GABRG3: variants seen among roughly 807,000 people sequenced by gnomAD.
GABRG3 encodes gamma-aminobutyric acid receptor subunit gamma-3.
Under a neutral mutation model 48.8 loss-of-function variants are expected in GABRG3, and 25 were observed. The ratio of observed to expected loss-of-function variants is 0.51; its 90% CI spans 0.37 to 0.72. The LOEUF (loss-of-function observed/expected upper bound fraction) is 0.72, where lower values mean the gene tolerates loss of function less well. Among genes scored for constraint, GABRG3 ranks in the 30% least tolerant of loss-of-function variants. GABRG3 has a pLI of 0.00. For missense variants in GABRG3, 394 were observed against 577.9 expected (o/e 0.68, Z 3.26); for synonymous variants, 227 against 217.6 (o/e 1.04, Z -0.38).
chr15:27,222,108 T>A (rs189141046), intron 3 of GABRG3, among the ~76,000 whole-genome samples: 488 of 152,352 alleles, frequency 3.2e-3, no homozygotes, highest in Non-Finnish European at 5.8e-3. Context: ...GTCCCTTAAA[T>A]CTCTAGCACG....
At chr15:27,263,924 AAAAAAAAAAAAAAAG>A (rs1890840535) in intron 3 of GABRG3, among the ~76,000 whole-genome samples, 1 of 16,664 alleles carries the variant, frequency 6.0e-5, no homozygotes, top group South Asian at 1.0e-3. Flanking sequence ...AGACTCTGTC[AAAAAAAAAAAAAAAG>A]AAAAAGAAAA....
chr15:27,214,244 G>A (rs1889166816), intron 3 of GABRG3, among the ~76,000 whole-genome samples: 1 of 152,164 alleles, frequency 6.6e-6, no homozygotes, highest in South Asian at 2.1e-4. Flanking sequence ...CAACAGCAGT[G>A]TTTTTAACCA....
At chr15:27,133,715 A>G (rs532836852) in intron 3 of GABRG3, among the ~76,000 whole-genome samples, 64 of 152,338 alleles carry the variant, frequency 4.2e-4, no homozygotes, top group African/African-American at 1.5e-3. Flanking sequence ...GCAATTTGTG[A>G]CAAGTTAATT....
chr15:27,237,497 G>A (rs146853437), intron 3 of GABRG3, among the ~76,000 whole-genome samples: 19 of 152,276 alleles, frequency 1.2e-4, no homozygotes, highest in East Asian at 7.7e-4. Flanking sequence ...GCCAACAGCC[G>A]GGCAGCAGGA....
chr15:26,997,793 A>G (rs963150794), intron 2 of GABRG3, among the ~76,000 whole-genome samples: 2 of 152,214 alleles, frequency 1.3e-5, no homozygotes, highest in Non-Finnish European at 2.9e-5. Context: ...TCCCATGTTC[A>G]GCTAGGGACT....
chr15:27,079,687 C>G (rs1236309327), intron 3 of GABRG3, among the ~76,000 whole-genome samples: 1 of 151,982 alleles, frequency 6.6e-6, no homozygotes, highest in African/African-American at 2.4e-5. Flanking sequence ...TATTCATGGA[C>G]AGAATTAAAA....
chr15:27,184,505 A>G (rs1888032055), intron 3 of GABRG3, among the ~76,000 whole-genome samples: 1 of 152,166 alleles, frequency 6.6e-6, no homozygotes, highest in South Asian at 2.1e-4. Flanking sequence ...GAAAATATAG[A>G]TATAGTTATT....
rs1321458092 is a variant in GABRG3 at position 26,975,373 on chromosome 15, A to C, written c.54-1629A>C. Among the ~76,000 whole-genome samples the C allele has an allele frequency of 6.6e-6, 1 of 152,216 alleles. No homozygotes were observed. Among genetic ancestry groups the C allele is most frequent in the Non-Finnish European group, 1.5e-5 (1 of 68,038 alleles). On this transcript the variant is annotated intron_variant, in intron 1 of 9. Coordinates refer to ENST00000615808, the MANE Select transcript of GABRG3 (RefSeq NM_033223.5). The surrounding 1 kb of genome is among the most constrained non-coding windows in gnomAD (Gnocchi z 4.6). ...ATAGTTTCTATGGATGATTCAATTTAACCTTCTAGCCAATAGGTACTCAAG... is the reference window on the plus strand; with the variant it reads ...ATAGTTTCTATGGATGATTCAATTTCACCTTCTAGCCAATAGGTACTCAAG...
chr15:27,353,973 G>A (rs1469043880), intron 5 of GABRG3, among the ~76,000 whole-genome samples: 1 of 152,104 alleles, frequency 6.6e-6, no homozygotes, highest in Non-Finnish European at 1.5e-5. Context: ...TCCAGCCCCT[G>A]GGGCAATGCC....
intron 3 of GABRG3, among the ~76,000 whole-genome samples, chr15:27,229,593 C>T (rs1376723782): frequency 6.6e-6 from 1 of 152,118 alleles, no homozygotes; most frequent in Non-Finnish European, 1.5e-5. Flanking sequence ...TCTCCCACCT[C>T]AGCCTCCCGA....
chr15:27,125,768 A>T (rs1023858938), intron 3 of GABRG3, among the ~76,000 whole-genome samples: 2 of 152,250 alleles, frequency 1.3e-5, no homozygotes, highest in African/African-American at 4.8e-5. Context: ...GGAAACAGAG[A>T]CAGCAGCCAT....
At chr15:27,342,664 A>T (rs570882884) in intron 5 of GABRG3, among the ~76,000 whole-genome samples, 1 of 152,338 alleles carries the variant, frequency 6.6e-6, no homozygotes, top group Admixed American at 6.5e-5. Flanking sequence ...TCATCAGAGT[A>T]TTGTGGACGT....
intron 2 of GABRG3, among the ~76,000 whole-genome samples, chr15:27,012,826 T>A (rs905971591): frequency 2.6e-5 from 4 of 152,316 alleles, no homozygotes; most frequent in African/African-American, 4.8e-5. Context: ...TTATGCTCTG[T>A]CCTCAGACAT....
intron 5 of GABRG3, among the ~76,000 whole-genome samples, chr15:27,441,007 T>C (rs1387624518): frequency 6.6e-6 from 1 of 152,202 alleles, no homozygotes; most frequent in Non-Finnish European, 1.5e-5. Context: ...CTCCACAGTC[T>C]GTTTCAGTTC....
chr15:27,275,102 A>G (rs990132771), intron 3 of GABRG3, among the ~76,000 whole-genome samples: 1 of 152,164 alleles, frequency 6.6e-6, no homozygotes, highest in Admixed American at 6.5e-5. Context: ...TTGCTTAACC[A>G]TGACCTCTAG....
chr15:27,467,643 C>A (rs1889656301), intron 5 of GABRG3, among the ~76,000 whole-genome samples: 1 of 152,144 alleles, frequency 6.6e-6, no homozygotes, highest in African/African-American at 2.4e-5. Context: ...TAAATATAGC[C>A]TTTAGTTCTA....
chr15:27,264,668 A>G (rs943632960), intron 3 of GABRG3, among the ~76,000 whole-genome samples: 1 of 151,994 alleles, frequency 6.6e-6, no homozygotes, highest in Non-Finnish European at 1.5e-5. Context: ...TACAATCCAA[A>G]CAACAACAAA....
At chr15:27,069,468 A>G (rs1896791216) in intron 3 of GABRG3, among the ~76,000 whole-genome samples, 1 of 152,226 alleles carries the variant, frequency 6.6e-6, no homozygotes, top group African/African-American at 2.4e-5. Context: ...ACCGTGTATC[A>G]GGTAACTGTA....
intron 5 of GABRG3, among the ~76,000 whole-genome samples, chr15:27,371,212 A>G (rs1432492736): frequency 6.6e-6 from 1 of 152,164 alleles, no homozygotes; most frequent in Non-Finnish European, 1.5e-5. Context: ...TTGCTCCCCA[A>G]CTAAATTAGC....
Sources: gnomAD v4.1 joint callset for allele counts (sites outside exome capture counted in the v4.1 genomes callset) on GRCh38, gnomAD v4.1.1 for gene constraint, Gnocchi (gnomAD v3.1) non-coding constraint, MANE v1.5 for transcripts, NCBI Gene and HGNC (gene_info 2026-07-23, HGNC 2026-07-21) for gene names.